The following TAFA1 variants were observed in gnomAD, a reference collection of about 807,000 sequenced individuals.
The protein encoded by TAFA1 is TAFA chemokine like family member 1.
Under a neutral mutation model 18.5 loss-of-function variants are expected in TAFA1, and 4 were observed. The ratio of observed to expected loss-of-function variants is 0.22; its 90% confidence interval spans 0.11 to 0.49. The LOEUF is 0.49. Among genes scored for constraint, TAFA1 ranks in the 20% least tolerant of loss-of-function variants. TAFA1 has a pLI of 0.98. For missense variants in TAFA1, 147 were observed against 169.0 expected (o/e 0.87, Z 0.72); for synonymous variants, 56 against 55.2 (o/e 1.01, Z -0.06).
intron 3 of TAFA1, among the ~76,000 whole-genome samples, chr3:68,461,447 T>A (rs2071780292): frequency 6.7e-6 from 1 of 149,776 alleles, no homozygotes; most frequent in South Asian, 2.1e-4. Flanking sequence ...TGTGATCCAA[T>A]TATTTTTCCC....
At chr3:68,316,040 T>C (rs1155323) in intron 2 of TAFA1, among the ~76,000 whole-genome samples, 9,946 of 152,232 alleles carry the variant, frequency 0.065, 910 homozygotes, top group African/African-American at 0.2. Context: ...ATTAATTATA[T>C]TTCAGAGCCA....
intron 2 of TAFA1, among the ~76,000 whole-genome samples, chr3:68,404,541 T>C (rs1453114100): frequency 6.6e-6 from 1 of 152,134 alleles, no homozygotes; most frequent in Non-Finnish European, 1.5e-5. Flanking sequence ...GGCTCACGCC[T>C]ATAATCTCAG....
At chr3:68,301,520 T>C (rs540792861) in intron 2 of TAFA1, among the ~76,000 whole-genome samples, 5 of 152,242 alleles carry the variant, frequency 3.3e-5, no homozygotes, top group African/African-American at 1.2e-4. Context: ...GGTGTCCAAA[T>C]GTGGACAGTA....
At chr3:68,189,579 C>G (rs937409761) in intron 2 of TAFA1, among the ~76,000 whole-genome samples, 2 of 151,736 alleles carry the variant, frequency 1.3e-5, no homozygotes, top group African/African-American at 2.4e-5. Context: ...AAGTTCACAC[C>G]CTGGGCCAAT....
At chr3:68,090,679 T>C (rs568901294) in intron 2 of TAFA1, among the ~76,000 whole-genome samples, 1 of 152,272 alleles carries the variant, frequency 6.6e-6, no homozygotes, top group East Asian at 1.9e-4. Context: ...ATACCTGCTA[T>C]TTACTACTGT....
chr3:68,066,396 T>G (rs979448524), intron 2 of TAFA1, among the ~76,000 whole-genome samples: 1 of 152,188 alleles, frequency 6.6e-6, no homozygotes, highest in African/African-American at 2.4e-5. Context: ...GGGAAATAAA[T>G]AAATGCAAAG....
At chr3:68,374,887 C>T (rs2069778271) in intron 2 of TAFA1, among the ~76,000 whole-genome samples, 5 of 152,072 alleles carry the variant, frequency 3.3e-5, no homozygotes, top group Admixed American at 3.3e-4. Context: ...GATCGCATTA[C>T]TTTCAACACC....
chr3:68,377,580 T>A (rs1226936237), intron 2 of TAFA1, among the ~76,000 whole-genome samples: 1 of 152,184 alleles, frequency 6.6e-6, no homozygotes, highest in Non-Finnish European at 1.5e-5. Flanking sequence ...TCCCATTTTC[T>A]TGGTAGAAAT....
intron 2 of TAFA1, among the ~76,000 whole-genome samples, chr3:68,148,343 T>C (rs1559538113): frequency 6.6e-6 from 1 of 152,240 alleles, no homozygotes; most frequent in African/African-American, 2.4e-5. Flanking sequence ...TCATATCATT[T>C]TGCATGAATG....
chr3:68,469,931 A>T (rs1025390629), intron 3 of TAFA1, among the ~76,000 whole-genome samples: 20 of 152,152 alleles, frequency 1.3e-4, no homozygotes, highest in African/African-American at 4.6e-4. Context: ...AGCTCCACTT[A>T]AGAACATGAT....
chr3:68,275,765 G>GTTTGTTTGTTT (rs1271518534), intron 2 of TAFA1, among the ~76,000 whole-genome samples: 2 of 152,016 alleles, frequency 1.3e-5, no homozygotes, highest in Non-Finnish European at 2.9e-5. Flanking sequence ...TCAGGAAGCA[G>GTTTGTTTGTTT]GACTGTGCTG....
At chr3:68,113,672 C>T (rs769415112) in intron 2 of TAFA1, among the ~76,000 whole-genome samples, 1 of 151,862 alleles carries the variant, frequency 6.6e-6, no homozygotes, top group Admixed American at 6.6e-5. Context: ...GTATAAAGAC[C>T]CTATGCAAGG....
intron 2 of TAFA1, among the ~76,000 whole-genome samples, chr3:68,073,532 G>A (rs917137715): frequency 6.6e-6 from 1 of 152,226 alleles, no homozygotes; most frequent in African/African-American, 2.4e-5. Flanking sequence ...GGGTGGCCAT[G>A]TTGTCTGGGA....
At chr3:68,074,258 T>A (rs773168205) in intron 2 of TAFA1, among the ~76,000 whole-genome samples, 6 of 152,108 alleles carry the variant, frequency 3.9e-5, no homozygotes, top group Non-Finnish European at 7.4e-5. Context: ...CTGCTGTAAA[T>A]ACAGATGAAA....
At chr3:68,453,628 T>C (rs1289063325) in intron 3 of TAFA1, among the ~76,000 whole-genome samples, 1 of 152,228 alleles carries the variant, frequency 6.6e-6, no homozygotes, top group Non-Finnish European at 1.5e-5. Context: ...CTAGGCCATT[T>C]GGCAATGGGC....
intron 2 of TAFA1, among the ~76,000 whole-genome samples, chr3:68,084,659 G>A (rs758323068): frequency 8.6e-5 from 13 of 152,030 alleles, no homozygotes; most frequent in Non-Finnish European, 1.5e-4. Context: ...TTAGCTGGGC[G>A]CGGTGGCAGG....
chr3:68,454,693 T>G (rs971430762), intron 3 of TAFA1, among the ~76,000 whole-genome samples: 1 of 152,124 alleles, frequency 6.6e-6, no homozygotes, highest in South Asian at 2.1e-4. Flanking sequence ...TTTCCCTCCT[T>G]GAGCCTCCAC....
intron 2 of TAFA1, chr3:68,250,644 A>G (rs190880680): frequency 3.9e-5 from 6 of 151,972 alleles, no homozygotes; most frequent in East Asian, 3.9e-4. Context: ...ATTCCCACCT[A>G]TTACTTATTT....
At chr3:68,105,774 G>A (rs897418853) in intron 2 of TAFA1, among the ~76,000 whole-genome samples, 3 of 152,144 alleles carry the variant, frequency 2.0e-5, no homozygotes, top group African/African-American at 7.2e-5. Flanking sequence ...AGGGGATACA[G>A]TGATGTTTTC....
Sources: gnomAD v4.1 joint callset for allele counts (sites outside exome capture counted in the v4.1 genomes callset) on GRCh38, gnomAD v4.1.1 for gene constraint, MANE v1.5 for transcripts, NCBI Gene and HGNC (gene_info 2026-07-23, HGNC 2026-07-21) for gene names.